CFAP53: variants seen among roughly 807,000 people sequenced by gnomAD.
CFAP53 encodes the protein cilia- and flagella-associated protein 53.
CFAP53 carries 62 observed loss-of-function variants against 59.7 expected under a neutral mutation model. The ratio of observed to expected loss-of-function variants is 1.04; its 90% CI spans 0.85 to 1.28. The LOEUF is 1.28. CFAP53 is among the 50% of genes most tolerant of loss of function. The pLI, the probability that CFAP53 is intolerant of heterozygous loss-of-function variation, is 0.00. For synonymous variants in CFAP53, 218 were observed against 205.7 expected (o/e 1.06, Z -0.51); for missense variants, 629 against 615.6 (o/e 1.02, Z -0.23).
chr18:50,262,292 T>A (rs1189982531), intron 1 of CFAP53, 73 bp from the exon 2 acceptor site: 1 of 1,254,040 alleles, frequency 8.0e-7, no homozygotes, highest in African/African-American at 1.5e-5. Context: ...AGTTATGCTC[T>A]CAATCAATAC....
rs778228003 is a variant in CFAP53, at chr18:50,243,088, T to C, written c.1025A>G (p.Tyr342Cys). The change falls in exon 6 of 8, where the codon TAC (tyrosine) becomes TGC (cysteine). Residue 342 changes from tyrosine (Y) to cysteine (C), a missense_variant. Tyr to Cys is a radical substitution (Grantham distance 194). Coordinates refer to ENST00000398545, the MANE Select transcript of CFAP53 (RefSeq NM_145020.5). The stretch of plus-strand genomic sequence containing the variant: ...ACGTCTCTGTGCCAAATATTTATGG[T>C]ATATCTTCTGTTCTCTTATCATATC... ...REDMIREQKIYHKYLAQRREE... is the reference protein window; with the variant it reads ...REDMIREQKICHKYLAQRREE... 1.9e-6 allele frequency: 3 copies of C among 1,612,816 alleles called. No homozygotes were observed. Among genetic ancestry groups the C allele is most frequent in the Non-Finnish European group, 8.5e-7 (1 of 1,179,422 alleles).
At chr18:50,263,611 C>G (rs1319646228) in intron 1 of CFAP53, among the ~76,000 whole-genome samples, 2 of 152,174 alleles carry the variant, frequency 1.3e-5, no homozygotes, top group African/African-American at 4.8e-5. Context: ...GATGACTGTT[C>G]TCCAATACAG....
chr18:50,254,824 G>C (rs1277967289), intron 3 of CFAP53, among the ~76,000 whole-genome samples: 1 of 152,246 alleles, frequency 6.6e-6, no homozygotes, highest in African/African-American at 2.4e-5. Context: ...CCAGGAGGCA[G>C]AGGCTGCAGT....
chr18:50,245,170 C>G (rs2033731623), intron 5 of CFAP53, among the ~76,000 whole-genome samples: 1 of 150,724 alleles, frequency 6.6e-6, no homozygotes, highest in South Asian at 2.1e-4. Flanking sequence ...ATCATGAGGT[C>G]AGGAGATCGA....
chr18:50,250,750 T>G lies in CFAP53; in HGVS notation c.996+8A>C, dbSNP rs928657931. The G allele has an allele frequency of 6.2e-7, 1 of 1,610,964 alleles. No individual in the cohort carries two copies. The highest frequency in any genetic ancestry group is 8.5e-7 in the Non-Finnish European group (1 of 1,177,352). On this transcript the variant is annotated splice_region_variant and intron_variant, in intron 5 of 7. Coordinates refer to ENST00000398545, the MANE Select transcript of CFAP53 (RefSeq NM_145020.5). The stretch of plus-strand genomic sequence containing the variant: ...CAGCAGGTAGCAGGCACCAAAAAAA[T>G]GTCTTACTCTTTTTTGTTTCTTTTT...
intron 5 of CFAP53, among the ~76,000 whole-genome samples, chr18:50,246,139 C>A (rs2033742024): frequency 6.6e-6 from 1 of 152,220 alleles, no homozygotes; most frequent in Non-Finnish European, 1.5e-5. Flanking sequence ...ATCCTCCTGC[C>A]TCAGCCTCCC....
rs2144422281 is a variant in CFAP53 at position 50,250,896 on chromosome 18, G to A, written c.858C>T (p.Thr286=). ...KKQKAKQETR[T]ILQKALQERI... ...TCTCTTGTAGGGCTTTTTGCAAAATGGTCCTAGTTTCCTGCTTTGCCTTCT... is the reference window on the plus strand; with the variant it reads ...TCTCTTGTAGGGCTTTTTGCAAAATAGTCCTAGTTTCCTGCTTTGCCTTCT... Residue 286 remains threonine (T), a synonymous_variant, in exon 5 of 8, where the codon ACC becomes ACT. Coordinates refer to ENST00000398545, the MANE Select transcript of CFAP53 (RefSeq NM_145020.5). 1 of 1,614,074 alleles carries A rather than the reference G, an allele frequency of 6.2e-7. No individual in the cohort carries two copies. The highest frequency in any genetic ancestry group is 1.3e-5 in the African/African-American group (1 of 75,024).
At chr18:50,255,106 C>A (rs1441682391) in intron 3 of CFAP53, among the ~76,000 whole-genome samples, 1 of 152,134 alleles carries the variant, frequency 6.6e-6, no homozygotes, top group Non-Finnish European at 1.5e-5. Flanking sequence ...TACTACTCAG[C>A]AATAAAAAAG....
intron 7 of CFAP53, 38 bp downstream of exon 7, chr18:50,238,565 T>A: frequency 6.7e-7 from 1 of 1,486,646 alleles, no homozygotes; most frequent in South Asian, 1.2e-5. Context: ...AATCCATTTT[T>A]TAGGTAGCAA....
intron 6 of CFAP53, 64 bp from the exon 7 acceptor site, chr18:50,238,769 T>C: frequency 8.4e-7 from 1 of 1,195,274 alleles, no homozygotes; most frequent in Middle Eastern, 1.9e-4. Flanking sequence ...AACATCTTTC[T>C]GGGCACCAGA....
At chr18:50,248,440 C>G (rs2033766735) in intron 5 of CFAP53, among the ~76,000 whole-genome samples, 2 of 152,122 alleles carry the variant, frequency 1.3e-5, no homozygotes, top group Non-Finnish European at 2.9e-5. Context: ...ACTAAACATG[C>G]AATTACTATA....
At chr18:50,251,126 C>T (rs973338257) in intron 4 of CFAP53, 150 bp from the exon 5 acceptor site, 9 of 693,112 alleles carry the variant, frequency 1.3e-5, no homozygotes, top group Admixed American at 5.5e-5. Flanking sequence ...CCTTCCTTTT[C>T]GTAGCTGAGT....
chr18:50,231,145 G>C (rs750256014), intron 7 of CFAP53, among the ~76,000 whole-genome samples: 4 of 152,198 alleles, frequency 2.6e-5, no homozygotes, highest in Non-Finnish European at 4.4e-5. Context: ...ATGCAAGTTA[G>C]CTCCCTGCTA....
chr18:50,240,731 T>C (rs563337027), intron 6 of CFAP53, among the ~76,000 whole-genome samples: 58 of 152,364 alleles, frequency 3.8e-4, no homozygotes, highest in African/African-American at 1.4e-3. Flanking sequence ...AAAAGTTCCA[T>C]CTAATATTGG....
intron 5 of CFAP53, among the ~76,000 whole-genome samples, chr18:50,249,781 G>T (rs1399796201): frequency 6.6e-6 from 1 of 152,118 alleles, no homozygotes; most frequent in Middle Eastern, 3.2e-3. Flanking sequence ...GAGATGTTCA[G>T]TATCTTGATT....
At chr18:50,227,775 T>A (rs947310157) in intron 7 of CFAP53, among the ~76,000 whole-genome samples, 166 bp from the exon 8 acceptor site, 1 of 152,074 alleles carries the variant, frequency 6.6e-6, no homozygotes, top group African/African-American at 2.4e-5. Flanking sequence ...GTTTCTTACA[T>A]AATAATCATT....
chr18:50,237,915 A>C (rs1023795226), intron 7 of CFAP53, among the ~76,000 whole-genome samples: 1 of 135,312 alleles, frequency 7.4e-6, no homozygotes, highest in Non-Finnish European at 1.6e-5. Flanking sequence ...CCATTCTGCT[A>C]ATCTAGCTGA....
intron 6 of CFAP53, 31 bp from the exon 7 acceptor site, chr18:50,238,736 A>T: frequency 6.5e-7 from 1 of 1,538,672 alleles, no homozygotes; most frequent in East Asian, 2.3e-5. Flanking sequence ...TATATGTCAA[A>T]TGACTTTCAG....
At chr18:50,244,982 G>A (rs553822721) in intron 5 of CFAP53, among the ~76,000 whole-genome samples, 51 of 145,152 alleles carry the variant, frequency 3.5e-4, no homozygotes, top group African/African-American at 1.2e-3. Context: ...AAGATCACTT[G>A]AACCTGGGAG....
Sources: gnomAD v4.1 joint callset for allele counts (sites outside exome capture counted in the v4.1 genomes callset) on GRCh38, gnomAD v4.1.1 for gene constraint, MANE v1.5 for transcripts, NCBI Gene and HGNC (gene_info 2026-07-23, HGNC 2026-07-21) for gene names.